CDIP1: variants seen among roughly 807,000 people sequenced by gnomAD.
The protein encoded by CDIP1 is cell death-inducing p53-target protein 1.
In CDIP1, 9 loss-of-function variants were observed where a neutral mutation model predicts 17.7. The observed-to-expected ratio is 0.51, with a 90% CI of 0.31 to 0.89. The LOEUF is 0.89. Among genes scored for constraint, CDIP1 ranks in the 40% least tolerant of loss-of-function variants. The pLI, the probability that CDIP1 is intolerant of heterozygous loss-of-function variation, is 0.05. For missense variants in CDIP1, 263 were observed against 277.9 expected, an observed-to-expected ratio of 0.95 and a Z score of 0.38; for synonymous variants, 117 against 109.5, an observed-to-expected ratio of 1.07 and a Z score of -0.43.
chr16:4,519,801 CT>C (rs113072901), intron 1 of CDIP1, among the ~76,000 whole-genome samples: 3,013 of 151,972 alleles, frequency 0.02, 87 homozygotes, highest in African/African-American at 0.068. Context: ...TTCTCACCCC[CT>C]CTCTCGCCAT....
At position 4,513,005 on chromosome 16, in the gene CDIP1, T is replaced by C. The variant is rs1251574083; in HGVS notation, c.301A>G (p.Thr101Ala). The C allele has an allele frequency of 1.3e-5, 21 of 1,588,836 alleles. No homozygotes were observed. The highest frequency in any genetic ancestry group is 1.6e-5 in the Non-Finnish European group (19 of 1,168,744). ...CCAGGGCCAGGGTAGGGCCCTGGCG[T>C]GTAGGGCCCTGGGGGGTAGTAGCCC... ...PMGYYPPGPYTPGPYPGPGGH... is the reference protein window; with the variant it reads ...PMGYYPPGPYAPGPYPGPGGH... The change falls in exon 5 of 6, where the codon ACG becomes GCG. Residue 101 changes from threonine to alanine, a missense_variant. By Grantham distance (58) the Thr-to-Ala change is moderately conservative (BLOSUM62 0). Transcript: ENST00000567695. This position sits in a 1 kb window ranked among gnomAD's most constrained non-coding sequence, Gnocchi z 4.1.
intron 1 of CDIP1, among the ~76,000 whole-genome samples, chr16:4,517,849 C>T (rs1416444703): frequency 6.6e-6 from 1 of 152,150 alleles, no homozygotes; most frequent in East Asian, 1.9e-4. Context: ...TGCCCTCCTG[C>T]AGGGGAGAAG....
chr16:4,537,669 G>A (rs1380196234), intron 1 of CDIP1, among the ~76,000 whole-genome samples: 1 of 152,220 alleles, frequency 6.6e-6, no homozygotes, highest in African/African-American at 2.4e-5. Context: ...TGGGCAGCGC[G>A]ACGGAACTAC....
At position 4,520,173 on chromosome 16, in the gene CDIP1, G is replaced by A. The variant is rs375033864; in HGVS notation, c.-104-5509C>T. ...TATCACCAGGCTGGAGTGCAGTGGC[G>A]CAATCTTGGCTCACTGCAGCCTCCG... is the stretch of plus-strand genomic sequence containing the variant. On this transcript the variant is annotated intron_variant, in intron 1 of 5. Transcript: ENST00000567695. 7.1e-3 allele frequency among the ~76,000 whole-genome samples: 1,081 copies of A among 151,330 alleles called. 8 individuals are homozygous for A. The highest frequency in any genetic ancestry group is 0.024 in the South Asian group (115 of 4,778).
At chr16:4,524,495 G>C (rs181824357) in intron 1 of CDIP1, among the ~76,000 whole-genome samples, 4 of 152,260 alleles carry the variant, frequency 2.6e-5, no homozygotes, top group Non-Finnish European at 5.9e-5. Flanking sequence ...CAAAGCTTTG[G>C]CTAATGAGCT....
chr16:4,527,143 A>G (rs2059009522), intron 1 of CDIP1, among the ~76,000 whole-genome samples: 1 of 150,940 alleles, frequency 6.6e-6, no homozygotes, highest in South Asian at 2.1e-4. Flanking sequence ...GCTGGAGTGC[A>G]GTGGCGGGAT....
intron 1 of CDIP1, among the ~76,000 whole-genome samples, chr16:4,521,781 C>T (rs764176711): frequency 6.6e-6 from 1 of 151,368 alleles, no homozygotes; most frequent in Non-Finnish European, 1.5e-5. Flanking sequence ...AGACCCACCA[C>T]TTTCCAGCTG....
At chr16:4,531,798 TCA>T (rs1175288540) in intron 1 of CDIP1, among the ~76,000 whole-genome samples, 2 of 152,240 alleles carry the variant, frequency 1.3e-5, no homozygotes, top group Non-Finnish European at 2.9e-5. Flanking sequence ...GAGTGGGATC[TCA>T]CACTCCCAAT....
At chr16:4,529,558 A>T (rs1486302761) in intron 1 of CDIP1, among the ~76,000 whole-genome samples, 2 of 152,198 alleles carry the variant, frequency 1.3e-5, no homozygotes, top group African/African-American at 4.8e-5. Context: ...CAGCTCAACC[A>T]CAAGTGAATA....
intron 1 of CDIP1, among the ~76,000 whole-genome samples, chr16:4,531,221 G>C (rs760190564): frequency 6.6e-6 from 1 of 151,938 alleles, no homozygotes; most frequent in Non-Finnish European, 1.5e-5. Context: ...GTACAGATGG[G>C]GTTTCACCGT....
At chr16:4,526,096 G>A (rs2058997204) in intron 1 of CDIP1, among the ~76,000 whole-genome samples, 1 of 152,130 alleles carries the variant, frequency 6.6e-6, no homozygotes, top group Non-Finnish European at 1.5e-5. Flanking sequence ...CGACCATGAT[G>A]AGTCTCAGCG....
At chr16:4,523,059 G>A (rs754841191) in intron 1 of CDIP1, among the ~76,000 whole-genome samples, 8 of 152,220 alleles carry the variant, frequency 5.3e-5, no homozygotes, top group South Asian at 4.1e-4. Context: ...CGCTGACCAC[G>A]TAGCTGTTCC....
At chr16:4,516,118 C>T (rs897601350) in intron 1 of CDIP1, among the ~76,000 whole-genome samples, 3 of 152,124 alleles carry the variant, frequency 2.0e-5, no homozygotes, top group African/African-American at 7.2e-5. Context: ...GCACTGACAC[C>T]CTACAGCATG....
chr16:4,515,403 C>T (rs2058877948), intron 1 of CDIP1, among the ~76,000 whole-genome samples: 1 of 152,148 alleles, frequency 6.6e-6, no homozygotes, highest in Non-Finnish European at 1.5e-5. Flanking sequence ...TCTTTATGAC[C>T]TTCGATTAGG....
In CDIP1 at chr16:4,512,995, G is replaced by A; in HGVS notation, c.311C>T (p.Pro104Leu). Residue 104 changes from proline (P) to leucine (L), a missense_variant, in exon 5 of 6, where the codon CCC becomes CTC. By Grantham distance (98) the Pro-to-Leu change is moderately conservative. Transcript: ENST00000567695. The surrounding 1 kb of genome is among the most constrained non-coding windows in gnomAD (Gnocchi z 4.6). ...TGTGTGGCCCCCAGGGCCAGGGTAGGGCCCTGGCGTGTAGGGCCCTGGGGG... is the reference window on the plus strand; with the variant it reads ...TGTGTGGCCCCCAGGGCCAGGGTAGAGCCCTGGCGTGTAGGGCCCTGGGGG... The part of the protein sequence containing the change: ...YYPPGPYTPG[P>L]YPGPGGHTAT... 1 of 1,590,504 alleles carries A rather than the reference G, an allele frequency of 6.3e-7. No individual in the cohort carries two copies. The highest frequency in any genetic ancestry group is 8.5e-7 in the Non-Finnish European group (1 of 1,169,934).
At chr16:4,518,795 T>C (rs187964858) in intron 1 of CDIP1, among the ~76,000 whole-genome samples, 3 of 152,096 alleles carry the variant, frequency 2.0e-5, no homozygotes, top group African/African-American at 4.8e-5. Context: ...AGAAGCAAAA[T>C]AGTTTTCCAA....
intron 1 of CDIP1, among the ~76,000 whole-genome samples, chr16:4,531,940 G>A (rs966432718): frequency 4.6e-5 from 7 of 152,256 alleles, no homozygotes; most frequent in Admixed American, 2.0e-4. Flanking sequence ...CCTGGGGAGG[G>A]AAATGGGACA....
intron 1 of CDIP1, among the ~76,000 whole-genome samples, chr16:4,519,161 C>T (rs1209984542): frequency 1.3e-5 from 2 of 152,228 alleles, no homozygotes; most frequent in East Asian, 3.8e-4. Context: ...AAGTCTACCC[C>T]TCCACACCCT....
chr16:4,516,083 C>T (rs1381487235), intron 1 of CDIP1, among the ~76,000 whole-genome samples: 2 of 152,174 alleles, frequency 1.3e-5, no homozygotes, highest in Admixed American at 6.5e-5. Flanking sequence ...CAATGGAAGA[C>T]GATTCGGCTA....
Sources: gnomAD v4.1 joint callset for allele counts (sites outside exome capture counted in the v4.1 genomes callset) on GRCh38, gnomAD v4.1.1 for gene constraint, Gnocchi (gnomAD v3.1) non-coding constraint, MANE v1.5 for transcripts, NCBI Gene and HGNC (gene_info 2026-07-23, HGNC 2026-07-21) for gene names.